PTPRD: variants seen among roughly 807,000 people sequenced by gnomAD.
PTPRD encodes receptor-type tyrosine-protein phosphatase delta.
Under a neutral mutation model 214.5 loss-of-function variants are expected in PTPRD, and 34 were observed. The ratio of observed to expected loss-of-function variants is 0.16; its 90% CI spans 0.12 to 0.21. PTPRD has a LOEUF of 0.21. PTPRD is among the 10% of genes least tolerant of loss of function. The pLI is 1.00. For synonymous variants in PTPRD, 1,128 were observed against 845.7 expected, an observed-to-expected ratio of 1.33 and a Z score of -5.79; for missense variants, 2,545 against 2,398.7, an observed-to-expected ratio of 1.06 and a Z score of -1.27.
chr9:8,804,948 T>A (rs915285683), intron 11 of PTPRD, among the ~76,000 whole-genome samples: 1 of 152,152 alleles, frequency 6.6e-6, no homozygotes, highest in Non-Finnish European at 1.5e-5. Flanking sequence ...CTGGTGAATA[T>A]ACTCAATTAG....
At chr9:9,016,906 A>T in intron 11 of PTPRD, among the ~76,000 whole-genome samples, 1 of 152,100 alleles carries the variant, frequency 6.6e-6, no homozygotes, top group Admixed American at 6.6e-5. Context: ...AGGAAGATAA[A>T]GTGGCTCTTA....
chr9:8,785,357 AC>A (rs1157633186), intron 11 of PTPRD, among the ~76,000 whole-genome samples: 2 of 152,230 alleles, frequency 1.3e-5, no homozygotes, highest in Non-Finnish European at 2.9e-5. Flanking sequence ...GGAGTAGGGG[AC>A]TTGTATTACA....
At chr9:10,325,166 G>C (rs1032888026) in intron 3 of PTPRD, among the ~76,000 whole-genome samples, 2 of 151,940 alleles carry the variant, frequency 1.3e-5, no homozygotes, top group Non-Finnish European at 2.9e-5. Context: ...AAATAGTTTG[G>C]GGGTCTTGTT....
At chr9:10,268,779 T>C (rs1290122933) in intron 3 of PTPRD, among the ~76,000 whole-genome samples, 2 of 152,222 alleles carry the variant, frequency 1.3e-5, no homozygotes, top group Non-Finnish European at 2.9e-5. Context: ...GTCTGTTTTA[T>C]GCTACCTTTT....
At position 10,216,902 on chromosome 9, in the gene PTPRD, T is replaced by C. The variant is rs182806423; in HGVS notation, c.-545+124061A>G. Among the ~76,000 whole-genome samples the C allele has an allele frequency of 1.6e-4, 24 of 152,108 alleles. No individual in the cohort carries two copies. In the East Asian group the frequency reaches 4.5e-3, roughly 28 times the overall value. Reference sequence around the variant, plus strand: ...ATTCAATTTCTGTCTTCCATGGGGATGTTCACTCTAGTGGTAGCTTTCTGT... The same window carrying C: ...ATTCAATTTCTGTCTTCCATGGGGACGTTCACTCTAGTGGTAGCTTTCTGT... On this transcript the variant is annotated intron_variant, in intron 3 of 45. Transcript: ENST00000381196.
intron 6 of PTPRD, among the ~76,000 whole-genome samples, chr9:9,739,885 G>T (rs1460610084): frequency 2.0e-5 from 3 of 151,828 alleles, no homozygotes; most frequent in Non-Finnish European, 2.9e-5. Flanking sequence ...TTTTCAAACA[G>T]CATTTTAATT....
chr9:8,498,473 T>A (rs910193632), intron 25 of PTPRD, among the ~76,000 whole-genome samples: 5 of 152,108 alleles, frequency 3.3e-5, no homozygotes, highest in African/African-American at 1.2e-4. Flanking sequence ...AGATGGGGTT[T>A]CACCATGTTG....
chr9:10,085,089 G>C (rs1044191807), intron 3 of PTPRD, among the ~76,000 whole-genome samples: 2 of 151,782 alleles, frequency 1.3e-5, no homozygotes, highest in African/African-American at 4.8e-5. Context: ...ATTAGGAATG[G>C]TTACAAAATA....
intron 11 of PTPRD, among the ~76,000 whole-genome samples, chr9:8,936,704 A>G (rs1014990309): frequency 1.3e-5 from 2 of 152,150 alleles, no homozygotes; most frequent in African/African-American, 2.4e-5. Context: ...ATTTGATATC[A>G]TTGGCTTAAT....
At chr9:10,311,266 C>G (rs1474412102) in intron 3 of PTPRD, among the ~76,000 whole-genome samples, 1 of 151,768 alleles carries the variant, frequency 6.6e-6, no homozygotes, top group African/African-American at 2.4e-5. Context: ...CTTCACAATG[C>G]CTTTTTCTAA....
intron 2 of PTPRD, among the ~76,000 whole-genome samples, chr9:10,562,855 G>A (rs1004855675): frequency 6.6e-6 from 1 of 151,908 alleles, no homozygotes; most frequent in Non-Finnish European, 1.5e-5. Context: ...TCAGATACTT[G>A]ATTTATATCA....
intron 3 of PTPRD, among the ~76,000 whole-genome samples, chr9:10,253,091 T>C (rs150567924): frequency 7.7e-4 from 118 of 152,282 alleles, no homozygotes; most frequent in African/African-American, 2.6e-3. Context: ...CCACGTATTT[T>C]ATTTTATTTT....
chr9:8,965,505 C>T (rs2099188171), intron 11 of PTPRD, among the ~76,000 whole-genome samples: 1 of 151,994 alleles, frequency 6.6e-6, no homozygotes, highest in Admixed American at 6.6e-5. Flanking sequence ...TTTTATGAAT[C>T]TGGGAGCTCC....
chr9:10,471,362 G>A (rs180803761), intron 2 of PTPRD, among the ~76,000 whole-genome samples: 26 of 152,182 alleles, frequency 1.7e-4, no homozygotes, highest in Admixed American at 1.4e-3. Context: ...GGGGTCATGG[G>A]TGTCAGCTAA....
intron 2 of PTPRD, among the ~76,000 whole-genome samples, chr9:10,415,333 C>T (rs1191395070): frequency 6.6e-6 from 1 of 151,722 alleles, no homozygotes; most frequent in African/African-American, 2.4e-5. Flanking sequence ...TATGTACAAA[C>T]ATACAATATT....
chr9:10,169,669 G>A (rs1483362279), intron 3 of PTPRD, among the ~76,000 whole-genome samples: 1 of 152,014 alleles, frequency 6.6e-6, no homozygotes, highest in Non-Finnish European at 1.5e-5. Flanking sequence ...GTGGCTTTTT[G>A]ACCAACTTCT....
chr9:8,416,982 C>G (rs1052128839), intron 35 of PTPRD, among the ~76,000 whole-genome samples: 7 of 151,926 alleles, frequency 4.6e-5, no homozygotes, highest in African/African-American at 1.4e-4. Context: ...CTCTTAACTA[C>G]TACACTCTAA....
intron 37 of PTPRD, among the ~76,000 whole-genome samples, chr9:8,388,487 G>A (rs990234507): frequency 5.9e-5 from 9 of 152,266 alleles, no homozygotes; most frequent in Admixed American, 5.9e-4. Context: ...ATTTTCTTCA[G>A]ATGCTACAAA....
intron 2 of PTPRD, among the ~76,000 whole-genome samples, chr9:10,350,129 G>C (rs1247028828): frequency 4.6e-5 from 7 of 151,490 alleles, no homozygotes; most frequent in African/African-American, 1.7e-4. Context: ...CATTTCATTG[G>C]TGTGCAGAGT....
Sources: gnomAD v4.1 joint callset for allele counts (sites outside exome capture counted in the v4.1 genomes callset) on GRCh38, gnomAD v4.1.1 for gene constraint, MANE v1.5 for transcripts, NCBI Gene and HGNC (gene_info 2026-07-23, HGNC 2026-07-21) for gene names.